MOGAT3: variants seen among roughly 807,000 people sequenced by gnomAD.
The protein encoded by MOGAT3 is monoacylglycerol O-acyltransferase 3, also known as 2-acylglycerol O-acyltransferase 3.
MOGAT3 carries 39 observed loss-of-function variants against 34.4 expected under a neutral mutation model. The ratio of observed to expected loss-of-function variants is 1.13; its 90% CI spans 0.88 to 1.48. MOGAT3 has a LOEUF of 1.48. Ranked by LOEUF, MOGAT3 falls within the 40% of genes most tolerant of loss-of-function variation. The pLI is 0.00. For missense variants in MOGAT3, 439 were observed against 438.9 expected, an observed-to-expected ratio of 1.00 and a Z score of 0.00; for synonymous variants, 209 against 179.2, an observed-to-expected ratio of 1.17 and a Z score of -1.33.
rs537625709 is a variant in MOGAT3 at position 101,198,932 on chromosome 7, G to A, written c.289-102C>T. The A allele has an allele frequency of 4.6e-6, 5 of 1,093,618 alleles. No homozygotes were observed. The Admixed American group carries it at 8.0e-5, about 17-fold the overall frequency. The allele number at this position is 1,093,618 out of a possible 1,614,324, so 67.7% of individuals were successfully genotyped here. On this transcript the variant is annotated intron_variant, in intron 3 of 6. Coordinates refer to ENST00000223114, the MANE Select transcript of MOGAT3 (RefSeq NM_178176.4). ...AGAGTTCCGAGTTAAAGGTTCTTAGGATAGGGTCAAGGGCCACCCCAGCAG... is the reference window on the plus strand; with the variant it reads ...AGAGTTCCGAGTTAAAGGTTCTTAGAATAGGGTCAAGGGCCACCCCAGCAG...
downstream of MOGAT3, among the ~76,000 whole-genome samples, chr7:101,193,025 C>A (rs1797713928): frequency 6.6e-6 from 1 of 152,124 alleles, no homozygotes; most frequent in South Asian, 2.1e-4. Flanking sequence ...TTGCAGTCAG[C>A]GGAGATCGCG....
downstream of MOGAT3, among the ~76,000 whole-genome samples, chr7:101,193,182 T>G (rs1584233695): frequency 6.6e-6 from 1 of 151,732 alleles, no homozygotes; most frequent in Non-Finnish European, 1.5e-5. Context: ...CTGTAACTCC[T>G]GGCCTCAAGC....
chr7:101,198,454 C>G lies in MOGAT3; in HGVS notation c.494-89G>C, dbSNP rs1584240160. 28 of 1,413,202 alleles carry G rather than the reference C, an allele frequency of 2.0e-5. No individual in the cohort carries two copies. The East Asian group carries it at 6.7e-4, about 34-fold the overall frequency. The allele number at this position is 1,413,202 out of a possible 1,614,324, so 87.5% of individuals were successfully genotyped here. On this transcript the variant is annotated intron_variant, in intron 4 of 6. Transcript: ENST00000223114. ...CAGCCTTTAGTTCCAAGCCCCCTAC[C>G]CCCATCTCCAAGGCGGGGAACCTAC...
chr7:101,196,437 C>G, intron 5 of MOGAT3, 48 bp from the exon 6 acceptor site: 1 of 1,423,162 alleles, frequency 7.0e-7, no homozygotes, highest in Non-Finnish European at 9.6e-7. Context: ...CTGGACTGCT[C>G]CGAGATGGGC....
At position 101,200,226 on chromosome 7, in the gene MOGAT3, C is replaced by T. The variant is rs754469202; in HGVS notation, c.288+8G>A. The T allele has an allele frequency of 9.3e-6, 15 of 1,612,334 alleles. No homozygotes were observed. In the African/African-American group the frequency reaches 1.9e-4, roughly 20 times the overall value. On this transcript the variant is annotated splice_region_variant and intron_variant, in intron 3 of 6. Coordinates refer to ENST00000223114, the MANE Select transcript of MOGAT3 (RefSeq NM_178176.4). ...AGGAAGCAGTTTTTCTGCAGGGTGA[C>T]CCATCACCTTGACAGGATAATAATC...
At chr7:101,198,986 G>A (rs942346422) in intron 3 of MOGAT3, among the ~76,000 whole-genome samples, 156 bp from the exon 4 acceptor site, 14 of 148,352 alleles carry the variant, frequency 9.4e-5, no homozygotes, top group African/African-American at 3.5e-4. Context: ...CTTAGGATAG[G>A]GTTAAGGGCC....
chr7:101,200,391 C>A lies in MOGAT3; in HGVS notation c.217+17G>T. On this transcript the variant is annotated intron_variant, in intron 2 of 6. Coordinates refer to ENST00000223114, the MANE Select transcript of MOGAT3 (RefSeq NM_178176.4). ...CCCCACCATCTCTGGCTACCTGGGC[C>A]CCCATCCGGAGCTCACCTTGGTTGG... The A allele has an allele frequency of 6.2e-7, 1 of 1,611,694 alleles. No homozygotes were observed. The highest frequency in any genetic ancestry group is 8.5e-7 in the Non-Finnish European group (1 of 1,178,054).
chr7:101,193,712 G>C (rs942911816), downstream of MOGAT3, among the ~76,000 whole-genome samples: 26 of 152,142 alleles, frequency 1.7e-4, no homozygotes, highest in Non-Finnish European at 3.1e-4. Flanking sequence ...ACAGGCATGA[G>C]CCACCATGCC....
In MOGAT3 at chr7:101,195,533, CTTTTTT is replaced by C. The variant is rs60472873; in HGVS notation, c.*407_*412del. On this transcript the variant is annotated 3_prime_UTR_variant, in exon 7 of 7. Transcript: ENST00000223114. ...CCCAGCCTACTACAGCTTTAACAGTCTTTTTTTTTTTTTTTTTTTTTTTTTTGAGAT... is the reference window on the plus strand; with the variant it reads ...CCCAGCCTACTACAGCTTTAACAGTCTTTTTTTTTTTTTTTTTTTTGAGAT... 2.3e-3 allele frequency: 123 copies of C among 53,708 alleles called. No homozygotes were observed. Among genetic ancestry groups the C allele is most frequent in the Middle Eastern group, 0.019 (1 of 54 alleles). 3.3% of individuals were successfully genotyped at this position (53,708 alleles called of 1,614,324 possible).
Position 101,196,000 on chromosome 7 carries a change from C to T in MOGAT3, c.972G>A (p.Glu324=). ...GGACCCCACAGCTTTCCTTGTGCTC[C>T]TCGAAGAGCTGCTCCAGGGCCGTCA... The part of the protein sequence containing the change: ...LYMTALEQLF[E]EHKESCGVPA... Residue 324 remains glutamate (E), a synonymous_variant, in exon 7 of 7, where the codon GAG becomes GAA. Coordinates refer to ENST00000223114, the MANE Select transcript of MOGAT3 (RefSeq NM_178176.4). 6.2e-7 allele frequency: 1 copy of T among 1,614,154 alleles called. No individual in the cohort carries two copies. The highest frequency in any genetic ancestry group is 1.1e-5 in the South Asian group (1 of 91,084).
Position 101,196,398 on chromosome 7 carries a change from G to A in MOGAT3, c.669-9C>T. The stretch of plus-strand genomic sequence containing the variant: ...CGGGCACCAGGGACGCCCTGGGAAG[G>A]AGCAAGAGAGAAGAGGGGGCTCAGG... On this transcript the variant is annotated splice_polypyrimidine_tract_variant and intron_variant, in intron 5 of 6. Coordinates refer to ENST00000223114, the MANE Select transcript of MOGAT3 (RefSeq NM_178176.4). 1 of 1,597,548 alleles carries A rather than the reference G, an allele frequency of 6.3e-7. No individual in the cohort carries two copies. Among genetic ancestry groups the A allele is most frequent in the African/African-American group, 1.3e-5 (1 of 74,512 alleles).
In MOGAT3 at chr7:101,200,903, C is replaced by T. The variant is rs758736743; in HGVS notation, c.-49G>A. ...AGGATCCCAGAACCCGGAGGACAAA[C>T]GATGAAGGCTTGGATGTGGACCTGG... On this transcript the variant is annotated 5_prime_UTR_variant, in exon 1 of 7. Transcript: ENST00000223114. 3.3e-5 allele frequency: 49 copies of T among 1,490,470 alleles called. No individual in the cohort carries two copies. The highest frequency in any genetic ancestry group is 1.4e-4 in the South Asian group (12 of 83,446). The allele number at this position is 1,490,470 out of a possible 1,614,324, so 92.3% of individuals were successfully genotyped here.
intron 5 of MOGAT3, 43 bp downstream of exon 5, chr7:101,198,148 A>G: frequency 6.4e-7 from 1 of 1,571,278 alleles, no homozygotes; most frequent in Non-Finnish European, 8.7e-7. Context: ...AGAGGGCATA[A>G]ACCAGCAGAG....
chr7:101,198,269 G>A lies in MOGAT3; in HGVS notation c.590C>T (p.Ala197Val). ...GTGCTCCCCGGGGACTGAATACAGGGCCTCGTGCGCACCCCCCACCATGAT... is the reference window on the plus strand; with the variant it reads ...GTGCTCCCCGGGGACTGAATACAGGACCTCGTGCGCACCCCCCACCATGAT... ...VVIMVGGAHEALYSVPGEHCL... is the reference protein window; with the variant it reads ...VVIMVGGAHEVLYSVPGEHCL... The change falls in exon 5 of 7, where the codon GCC (alanine) becomes GTC (valine). Residue 197 changes from alanine to valine, a missense_variant. Ala to Val is a moderately conservative substitution (Grantham distance 64, BLOSUM62 0). Coordinates refer to ENST00000223114, the MANE Select transcript of MOGAT3 (RefSeq NM_178176.4). 6.2e-7 allele frequency: 1 copy of A among 1,611,732 alleles called. No individual in the cohort carries two copies. The highest frequency in any genetic ancestry group is 8.5e-7 in the Non-Finnish European group (1 of 1,178,648).
At position 101,198,644 on chromosome 7, in the gene MOGAT3, C is replaced by T. The variant is rs139340331; in HGVS notation, c.475G>A (p.Asp159Asn). 1.9e-6 allele frequency: 3 copies of T among 1,613,204 alleles called. No homozygotes were observed. Among genetic ancestry groups the T allele is most frequent in the Non-Finnish European group, 2.5e-6 (3 of 1,179,992 alleles). The change falls in exon 4 of 7, where the codon GAC becomes AAC. Residue 159 changes from aspartate to asparagine, a missense_variant. Asp to Asn is a conservative substitution (Grantham distance 23). Coordinates refer to ENST00000223114, the MANE Select transcript of MOGAT3 (RefSeq NM_178176.4). The stretch of plus-strand genomic sequence containing the variant: ...GGCTCACCAAAGGACATGATGTAGT[C>T]GCGATAGACCGGGAGGTAGAAGAGG... Reference protein sequence around the residue: ...AGLFYLPVYRDYIMSFGLCPV... With the variant: ...AGLFYLPVYRNYIMSFGLCPV...
In MOGAT3 at chr7:101,198,374, A is replaced by G. The variant is rs532510429; in HGVS notation, c.494-9T>C. On this transcript the variant is annotated splice_polypyrimidine_tract_variant and intron_variant, in intron 4 of 6. Coordinates refer to ENST00000223114, the MANE Select transcript of MOGAT3 (RefSeq NM_178176.4). Reference sequence around the variant, plus strand: ...GCTCACCGGACAGAGTCCTGTGGGCAGGAGGAGGTGGAAAGTAGTTCCCAT... The same window carrying G: ...GCTCACCGGACAGAGTCCTGTGGGCGGGAGGAGGTGGAAAGTAGTTCCCAT... The G allele has an allele frequency of 6.5e-7, 1 of 1,531,464 alleles. No homozygotes were observed. The highest frequency in any genetic ancestry group is 8.8e-7 in the Non-Finnish European group (1 of 1,138,724). The allele number at this position is 1,531,464 out of a possible 1,614,324, so 94.9% of individuals were successfully genotyped here. A position where few individuals can be genotyped will look rare whatever the true frequency, so the allele number is the denominator to read the frequency against.
Position 101,200,726 on chromosome 7 carries a change from C to A in MOGAT3, c.109+20G>T. 6.2e-7 allele frequency: 1 copy of A among 1,604,920 alleles called. No homozygotes were observed. Among genetic ancestry groups the A allele is most frequent in the South Asian group, 1.1e-5 (1 of 90,364 alleles). ...ACTCCCCTGGCAGACCCCAGGCACC[C>A]ACGCCTCCCCAGCTCTCACCCATGA... On this transcript the variant is annotated intron_variant, in intron 1 of 6. Transcript: ENST00000223114.
rs1360707711 is a variant in MOGAT3, at chr7:101,195,963, A to T, written c.1009T>A (p.Cys337Ser). The T allele has an allele frequency of 6.2e-7, 1 of 1,614,188 alleles. No homozygotes were observed. Among genetic ancestry groups the T allele is most frequent in the East Asian group, 2.2e-5 (1 of 44,874 alleles). ...GGCCAGGCCTAGATGAAGGTGAGGC[A>T]GGTGGAAGCGGGGACCCCACAGCTT... ...KESCGVPAST[C>S]LTFI Residue 337 changes from cysteine to serine, a missense_variant, in exon 7 of 7, where the codon TGC becomes AGC. Cys to Ser is a moderately radical substitution (Grantham distance 112). Transcript: ENST00000223114.
chr7:101,198,286 C>A lies in MOGAT3; in HGVS notation c.573G>T (p.Val191=), dbSNP rs200120560. The part of the protein sequence containing the change: ...PQLGQAVVIM[V]GGAHEALYSV... ...AATACAGGGCCTCGTGCGCACCCCCCACCATGATGACCACGGCCTGCCCGA... is the reference window on the plus strand; with the variant it reads ...AATACAGGGCCTCGTGCGCACCCCCAACCATGATGACCACGGCCTGCCCGA... The change falls in exon 5 of 7, where the codon GTG becomes GTT. Residue 191 remains valine, a synonymous_variant. Transcript: ENST00000223114. 18 of 1,607,924 alleles carry A rather than the reference C, an allele frequency of 1.1e-5. No individual in the cohort carries two copies. Among genetic ancestry groups the A allele is most frequent in the African/African-American group, 2.7e-5 (2 of 74,826 alleles).
Sources: gnomAD v4.1 joint callset for allele counts (sites outside exome capture counted in the v4.1 genomes callset) on GRCh38, gnomAD v4.1.1 for gene constraint, MANE v1.5 for transcripts, NCBI Gene and HGNC (gene_info 2026-07-23, HGNC 2026-07-21) for gene names.